Variants in PAM observed in about 807,000 individuals in gnomAD.
PAM encodes peptidyl-glycine alpha-amidating monooxygenase.
In PAM, 72 loss-of-function variants were observed where a neutral mutation model predicts 122.1. That is an observed-to-expected ratio of 0.59 (90% CI 0.49 to 0.72). The LOEUF (loss-of-function observed/expected upper bound fraction) is 0.72. PAM is among the 30% of genes least tolerant of loss of function. PAM has a pLI of 0.00. For synonymous variants in PAM, 389 were observed against 404.4 expected (o/e 0.96, Z 0.46); for missense variants, 1,106 against 1,183.7 (o/e 0.93, Z 0.96).
chr5:102,884,623 G>GA (rs1792367525), intron 3 of PAM, among the ~76,000 whole-genome samples: 1 of 151,818 alleles, frequency 6.6e-6, no homozygotes, highest in South Asian at 2.1e-4. Flanking sequence ...CTTATTTTCA[G>GA]ATTTATGTAG....
intron 7 of PAM, 100 bp from the exon 8 acceptor site, chr5:102,946,737 G>A: frequency 1.4e-6 from 1 of 739,576 alleles, no homozygotes; most frequent in Non-Finnish European, 2.4e-6. Flanking sequence ...CATAACTTGT[G>A]TTTTAAAATA....
intron 15 of PAM, among the ~76,000 whole-genome samples, chr5:102,986,448 C>T (rs1007886970): frequency 1.3e-5 from 2 of 151,900 alleles, no homozygotes; most frequent in Non-Finnish European, 2.9e-5. Context: ...CAATAATGAA[C>T]TAGCTGAAAA....
intron 14 of PAM, among the ~76,000 whole-genome samples, chr5:102,970,819 T>G (rs1218932875): frequency 2.0e-5 from 3 of 152,048 alleles, no homozygotes; most frequent in Non-Finnish European, 4.4e-5. Flanking sequence ...TACTTATTTA[T>G]TTTTTGAGAC....
chr5:102,984,969 C>T lies in PAM; in HGVS notation c.1484-5303C>T, dbSNP rs180729939. Among the ~76,000 whole-genome samples the T allele has an allele frequency of 3.3e-5, 5 of 151,624 alleles. No homozygotes were observed. The East Asian group carries it at 5.8e-4, about 18-fold the overall frequency. On this transcript the variant is annotated intron_variant, in intron 15 of 25. Transcript: ENST00000438793. ...AAATACATGGAAAGTAAACAAAATG[C>T]TCATGACCAACTATTGGGTCAGTGA...
chr5:102,976,862 T>C (rs1003848688), intron 15 of PAM, among the ~76,000 whole-genome samples: 1 of 152,176 alleles, frequency 6.6e-6, no homozygotes, highest in African/African-American at 2.4e-5. Context: ...TCTTCTAGTT[T>C]CTTACATTTC....
At chr5:102,838,806 G>A (rs541231365) in intron 1 of PAM, among the ~76,000 whole-genome samples, 1 of 152,216 alleles carries the variant, frequency 6.6e-6, no homozygotes, top group African/African-American at 2.4e-5. Flanking sequence ...TTAAAATCTT[G>A]ATTAAGATGG....
intron 21 of PAM, among the ~76,000 whole-genome samples, chr5:103,011,430 G>T (rs1780606483): frequency 6.6e-6 from 1 of 150,916 alleles, no homozygotes; most frequent in South Asian, 2.1e-4. Context: ...ACCCTTCCCA[G>T]GCTCTGGTAA....
chr5:102,855,547 A>C (rs1269462383), intron 1 of PAM, among the ~76,000 whole-genome samples: 1 of 152,198 alleles, frequency 6.6e-6, no homozygotes, highest in Non-Finnish European at 1.5e-5. Flanking sequence ...TTTCCTATAG[A>C]CTTTTAAAGA....
At chr5:102,911,164 A>G (rs1397535513) in intron 4 of PAM, among the ~76,000 whole-genome samples, 2 of 152,008 alleles carry the variant, frequency 1.3e-5, no homozygotes, top group African/African-American at 4.8e-5. Context: ...TTTCATTTCA[A>G]CTTGCAATGA....
chr5:102,764,910 G>T (rs1181352884), intron 1 of PAM, among the ~76,000 whole-genome samples: 2 of 152,160 alleles, frequency 1.3e-5, no homozygotes, highest in African/African-American at 4.8e-5. Context: ...TTCTTATTCA[G>T]TTGAAGGCTT....
rs116029026 is a variant in PAM at position 102,967,289 on chromosome 5, G to T, written c.1162+6060G>T. ...TCTCCACACATTAGCTGCTACTATA[G>T]TTGTGTTTTCCATATACCAAACTCA... On this transcript the variant is annotated intron_variant, in intron 14 of 25. Transcript: ENST00000438793. Among the ~76,000 whole-genome samples, 602 of 152,250 alleles carry T rather than the reference G, an allele frequency of 4.0e-3. 2 individuals carry two copies. Among genetic ancestry groups the T allele is most frequent in the African/African-American group, 0.014 (567 of 41,546 alleles).
At position 102,836,858 on chromosome 5, in the gene PAM, CCG is replaced by C. The variant is rs1491284909; in HGVS notation, c.-373-28964_-373-28963del. 9.4e-3 allele frequency among the ~76,000 whole-genome samples: 472 copies of C among 50,036 alleles called. 4 individuals carry two copies. Among genetic ancestry groups the C allele is most frequent in the African/African-American group, 0.053 (464 of 8,824 alleles). The allele number at this position is 50,036 out of a possible 152,430, so 32.8% of individuals were successfully genotyped here. On this transcript the variant is annotated intron_variant, in intron 1 of 25. Transcript: ENST00000438793. The stretch of plus-strand genomic sequence containing the variant: ...AATTATGGATGGACCAAGAAAGAAA[CCG>C]AGAGAGAGAGAGAGAGAGAGAGAGA...
At chr5:102,837,953 ATTT>A (rs1309568261) in intron 1 of PAM, among the ~76,000 whole-genome samples, 2 of 152,180 alleles carry the variant, frequency 1.3e-5, no homozygotes, top group Non-Finnish European at 2.9e-5. Flanking sequence ...GATATTTATA[ATTT>A]TTCACAGCAA....
At chr5:102,789,683 GGAA>G (rs1761541660) in intron 1 of PAM, among the ~76,000 whole-genome samples, 1 of 152,012 alleles carries the variant, frequency 6.6e-6, no homozygotes, top group Non-Finnish European at 1.5e-5. Context: ...TTTCAGTTTG[GGAA>G]GATAAACAAG....
intron 1 of PAM, among the ~76,000 whole-genome samples, chr5:102,836,453 A>C (rs1777064822): frequency 1.3e-5 from 2 of 151,712 alleles, no homozygotes; most frequent in African/African-American, 4.8e-5. Flanking sequence ...CTAATCTTGA[A>C]CTCCTGGCCT....
At chr5:102,803,196 AGG>A in intron 1 of PAM, among the ~76,000 whole-genome samples, 8 of 122,496 alleles carry the variant, frequency 6.5e-5, no homozygotes, top group African/African-American at 1.1e-4. Context: ...GAAGGAAGGA[AGG>A]AAGGAAGGAA....
chr5:102,840,397 T>A (rs1032846154), intron 1 of PAM, among the ~76,000 whole-genome samples: 1 of 152,154 alleles, frequency 6.6e-6, no homozygotes, highest in African/African-American at 2.4e-5. Flanking sequence ...ATGTATTGAC[T>A]TGTACATAGT....
chr5:102,830,904 T>C (rs983856616), intron 1 of PAM, among the ~76,000 whole-genome samples: 3 of 149,738 alleles, frequency 2.0e-5, no homozygotes, highest in Admixed American at 6.7e-5. Flanking sequence ...TGTTTTGTTT[T>C]GTTTTGTTTT....
chr5:102,767,326 C>T (rs746808015), intron 1 of PAM, among the ~76,000 whole-genome samples: 55 of 151,966 alleles, frequency 3.6e-4, no homozygotes, highest in African/African-American at 1.1e-3. Context: ...CCTTTTGTGG[C>T]GTTTTATCCA....
Sources: allele counts gnomAD v4.1 joint callset (sites outside exome capture counted in the v4.1 genomes callset), GRCh38; gene constraint gnomAD v4.1.1; transcripts MANE v1.5; gene names NCBI Gene and HGNC (gene_info 2026-07-23, HGNC 2026-07-21).